The following PTPRM variants were observed in gnomAD, a reference collection of about 807,000 sequenced individuals.
PTPRM encodes protein tyrosine phosphatase receptor type M.
PTPRM carries 47 observed loss-of-function variants against 186.7 expected under a neutral mutation model. The ratio of observed to expected loss-of-function variants is 0.25; its 90% CI spans 0.20 to 0.32. PTPRM has a LOEUF of 0.32. Ranked by LOEUF, PTPRM falls within the 10% of genes least tolerant of loss-of-function variation. PTPRM has a pLI of 1.00. For synonymous variants in PTPRM, 668 were observed against 674.9 expected (o/e 0.99, Z 0.16); for missense variants, 1,494 against 1,865.0 (o/e 0.80, Z 3.66).
chr18:8,242,222 C>G (rs2094440117), intron 14 of PTPRM, among the ~76,000 whole-genome samples: 1 of 152,094 alleles, frequency 6.6e-6, no homozygotes, highest in African/African-American at 2.4e-5. Context: ...ATAAATCAGT[C>G]CAAAGCAAAT....
At chr18:8,311,005 C>G (rs1182972697) in intron 20 of PTPRM, among the ~76,000 whole-genome samples, 2 of 151,690 alleles carry the variant, frequency 1.3e-5, no homozygotes, top group African/African-American at 2.4e-5. Context: ...ATTAGACAAG[C>G]CTGTATTAAA....
At chr18:7,585,161 A>C (rs1245641662) in intron 1 of PTPRM, among the ~76,000 whole-genome samples, 1 of 152,252 alleles carries the variant, frequency 6.6e-6, no homozygotes, top group East Asian at 1.9e-4. Flanking sequence ...GCAGTTAGAC[A>C]ATAGACACGG....
At chr18:7,826,625 C>T (rs1440999) in intron 2 of PTPRM, among the ~76,000 whole-genome samples, 105,085 of 152,186 alleles carry the variant, frequency 0.69, 37,360 homozygotes, top group East Asian at 0.94. Flanking sequence ...AGAGTTCACA[C>T]TGTTACTTTA....
At chr18:8,198,914 T>C (rs1189843498) in intron 14 of PTPRM, among the ~76,000 whole-genome samples, 4 of 152,134 alleles carry the variant, frequency 2.6e-5, no homozygotes, top group African/African-American at 9.7e-5. Context: ...CAATTATTAT[T>C]GAGCAGACAA....
chr18:7,895,590 G>A (rs2049313575), intron 3 of PTPRM, among the ~76,000 whole-genome samples: 1 of 152,132 alleles, frequency 6.6e-6, no homozygotes. Flanking sequence ...AGGTGCCCTT[G>A]GGTTGTATTC....
chr18:8,230,099 C>G (rs2094267111), intron 14 of PTPRM, among the ~76,000 whole-genome samples: 1 of 152,188 alleles, frequency 6.6e-6, no homozygotes, highest in Non-Finnish European at 1.5e-5. Context: ...TCTTTTTAGC[C>G]TATCAGCCTT....
chr18:7,946,465 G>A (rs1298566323), intron 5 of PTPRM, among the ~76,000 whole-genome samples: 1 of 152,146 alleles, frequency 6.6e-6, no homozygotes, highest in African/African-American at 2.4e-5. Context: ...AACCAGAGAT[G>A]TGGTTCTTTT....
At chr18:7,936,101 G>T (rs1343196397) in intron 5 of PTPRM, among the ~76,000 whole-genome samples, 1 of 152,216 alleles carries the variant, frequency 6.6e-6, no homozygotes, top group African/African-American at 2.4e-5. Flanking sequence ...CTGCTTCATG[G>T]GGCTGGCGGG....
At chr18:7,654,413 T>G (rs1195346215) in intron 1 of PTPRM, among the ~76,000 whole-genome samples, 1 of 152,132 alleles carries the variant, frequency 6.6e-6, no homozygotes, top group Non-Finnish European at 1.5e-5. Context: ...CCCACAAGCT[T>G]AGTGTTCCAA....
chr18:7,724,054 T>C (rs1218808456), intron 1 of PTPRM, among the ~76,000 whole-genome samples: 2 of 152,136 alleles, frequency 1.3e-5, no homozygotes, highest in African/African-American at 4.8e-5. Flanking sequence ...ACATATCTTC[T>C]ATGTACTCCC....
chr18:8,252,449 TC>T, intron 17 of PTPRM, 38 bp from the exon 18 acceptor site: 1 of 1,509,886 alleles, frequency 6.6e-7, no homozygotes, highest in Non-Finnish European at 9.2e-7. Context: ...GTTTCCTTTT[TC>T]TCCTCCTTTT....
chr18:8,248,399 A>C (rs1309844024), intron 17 of PTPRM: 1 of 615,930 alleles, frequency 1.6e-6, no homozygotes, highest in African/African-American at 1.8e-5. Flanking sequence ...TGGGGATGAT[A>C]CCAACAGGTT....
At chr18:7,986,270 A>G (rs1450717577) in intron 7 of PTPRM, among the ~76,000 whole-genome samples, 1 of 152,248 alleles carries the variant, frequency 6.6e-6, no homozygotes, top group Non-Finnish European at 1.5e-5. Context: ...AGCCTTTTAC[A>G]GGGTTTTGAA....
chr18:7,592,443 A>G (rs2037151190), intron 1 of PTPRM, among the ~76,000 whole-genome samples: 1 of 152,194 alleles, frequency 6.6e-6, no homozygotes, highest in Non-Finnish European at 1.5e-5. Flanking sequence ...GGGTGTCATC[A>G]AATGCTTTCT....
At chr18:7,704,249 AC>A (rs1240421172) in intron 1 of PTPRM, among the ~76,000 whole-genome samples, 2 of 151,812 alleles carry the variant, frequency 1.3e-5, no homozygotes, top group African/African-American at 2.4e-5. Flanking sequence ...AAGGAATGGT[AC>A]CAGCTCCTCT....
At chr18:8,379,483 A>G in intron 28 of PTPRM, 143 bp downstream of exon 28, 1 of 914,402 alleles carries the variant, frequency 1.1e-6, no homozygotes, top group Non-Finnish European at 1.5e-6. Flanking sequence ...AATAGATTTC[A>G]GATTCCACGT....
intron 14 of PTPRM, among the ~76,000 whole-genome samples, chr18:8,147,461 G>C (rs897122122): frequency 1.3e-5 from 2 of 152,122 alleles, no homozygotes; most frequent in African/African-American, 4.8e-5. Context: ...TCTGTTATTG[G>C]TGTATAGGAA....
At chr18:7,990,889 A>C (rs896956458) in intron 7 of PTPRM, among the ~76,000 whole-genome samples, 4 of 152,172 alleles carry the variant, frequency 2.6e-5, no homozygotes, top group Admixed American at 6.6e-5. Context: ...CAGGTTTTGT[A>C]GGTGACAGGG....
chr18:8,038,388 T>TTG (rs2086472758), intron 7 of PTPRM, among the ~76,000 whole-genome samples: 1 of 150,642 alleles, frequency 6.6e-6, no homozygotes. Context: ...AGATTTTTTT[T>TTG]TTTTTTTTTT....
Sources: allele counts gnomAD v4.1 joint callset (sites outside exome capture counted in the v4.1 genomes callset), GRCh38; gene constraint gnomAD v4.1.1; transcripts MANE v1.5; gene names NCBI Gene and HGNC (gene_info 2026-07-23, HGNC 2026-07-21).